Variants in LUZP2 observed in about 807,000 individuals in gnomAD.
The protein encoded by LUZP2 is leucine zipper protein 2.
LUZP2 carries 52 observed loss-of-function variants against 51.6 expected under a neutral mutation model. The ratio of observed to expected loss-of-function variants is 1.01; its 90% CI spans 0.81 to 1.27. The LOEUF (loss-of-function observed/expected upper bound fraction) is 1.27. Ranked by LOEUF, LUZP2 falls within the 50% of genes most tolerant of loss-of-function variation. The probability of loss-of-function intolerance (pLI) is 0.00; values close to 1 mark genes in which losing one functional copy is unlikely to be tolerated. For missense variants in LUZP2, 436 were observed against 395.4 expected, an observed-to-expected ratio of 1.10 and a Z score of -0.87; for synonymous variants, 154 against 137.3, an observed-to-expected ratio of 1.12 and a Z score of -0.85.
intron 7 of LUZP2, among the ~76,000 whole-genome samples, chr11:24,962,469 T>C (rs1210536159): frequency 6.6e-6 from 1 of 152,182 alleles, no homozygotes; most frequent in Admixed American, 6.5e-5. Context: ...CATTTCTTTT[T>C]ATTCTTTTTT....
chr11:25,048,590 G>A (rs2134019360), intron 9 of LUZP2, among the ~76,000 whole-genome samples: 1 of 152,196 alleles, frequency 6.6e-6, no homozygotes, highest in East Asian at 1.9e-4. Context: ...CAAATTTATT[G>A]AATAAATTTA....
At chr11:24,602,237 T>TCAAAC (rs1853735211) in intron 1 of LUZP2, among the ~76,000 whole-genome samples, 1 of 39,960 alleles carries the variant, frequency 2.5e-5, no homozygotes, top group African/African-American at 3.8e-5. Context: ...CATATATGTG[T>TCAAAC]ATATATGTAT....
chr11:24,823,540 T>C (rs1850425598), intron 5 of LUZP2, among the ~76,000 whole-genome samples: 1 of 152,118 alleles, frequency 6.6e-6, no homozygotes, highest in Non-Finnish European at 1.5e-5. Context: ...AATGATTCTA[T>C]TCATTTGTGA....
At chr11:24,837,424 G>T (rs1431232169) in intron 5 of LUZP2, among the ~76,000 whole-genome samples, 1 of 151,576 alleles carries the variant, frequency 6.6e-6, no homozygotes, top group African/African-American at 2.4e-5. Context: ...TCAAGAAGCT[G>T]CAGAATGCTG....
intron 9 of LUZP2, among the ~76,000 whole-genome samples, chr11:24,988,376 A>T (rs533318374): frequency 2.0e-5 from 3 of 152,110 alleles, no homozygotes; most frequent in African/African-American, 7.2e-5. Flanking sequence ...GAAACAAGAG[A>T]GTCTATGTCT....
At chr11:24,622,162 G>T (rs1854517970) in intron 1 of LUZP2, among the ~76,000 whole-genome samples, 1 of 151,144 alleles carries the variant, frequency 6.6e-6, no homozygotes, top group Non-Finnish European at 1.5e-5. Context: ...AAGTTTTAGG[G>T]TACATGTGCA....
At chr11:24,567,012 A>T (rs992058868) in intron 1 of LUZP2, among the ~76,000 whole-genome samples, 32 of 106,736 alleles carry the variant, frequency 3.0e-4, no homozygotes, top group Middle Eastern at 5.1e-3. Context: ...ATATATATAT[A>T]TATTTTTTTT....
chr11:25,058,132 A>G (rs952977152), intron 10 of LUZP2, among the ~76,000 whole-genome samples: 10 of 152,076 alleles, frequency 6.6e-5, no homozygotes, highest in African/African-American at 1.9e-4. Flanking sequence ...TGGCTTCATT[A>G]GAAGCATTTT....
intron 1 of LUZP2, among the ~76,000 whole-genome samples, chr11:24,561,553 C>CTT (rs766058319): frequency 2.2e-4 from 33 of 152,076 alleles, no homozygotes; most frequent in Non-Finnish European, 4.4e-4. Flanking sequence ...TCTCAGCAAA[C>CTT]TAACACCAGA....
intron 5 of LUZP2, among the ~76,000 whole-genome samples, chr11:24,867,136 T>C (rs191992664): frequency 1.3e-5 from 2 of 152,186 alleles, no homozygotes; most frequent in African/African-American, 4.8e-5. Flanking sequence ...AAGAGATAAA[T>C]TAATAAAAGG....
chr11:24,859,631 C>T (rs940422904), intron 5 of LUZP2, among the ~76,000 whole-genome samples: 3 of 152,138 alleles, frequency 2.0e-5, no homozygotes, highest in Non-Finnish European at 4.4e-5. Flanking sequence ...AATCCTTCAC[C>T]AGCAATCAAG....
intron 6 of LUZP2, among the ~76,000 whole-genome samples, chr11:24,908,565 T>C (rs1192988551): frequency 1.3e-5 from 2 of 152,190 alleles, no homozygotes; most frequent in Non-Finnish European, 2.9e-5. Flanking sequence ...GTTTGAAGGT[T>C]ATCCTTTTGA....
intron 7 of LUZP2, among the ~76,000 whole-genome samples, chr11:24,971,641 T>A (rs534370411): frequency 5.3e-5 from 8 of 151,808 alleles, no homozygotes; most frequent in East Asian, 1.9e-4. Flanking sequence ...ATAGAAGTTT[T>A]AAAAAAAAAT....
At chr11:24,556,270 C>T (rs959727112) in intron 1 of LUZP2, among the ~76,000 whole-genome samples, 1 of 152,098 alleles carries the variant, frequency 6.6e-6, no homozygotes, top group Non-Finnish European at 1.5e-5. Context: ...AAGAACTATG[C>T]CATTCACTTT....
chr11:24,999,103 T>A (rs1856597497), intron 9 of LUZP2, among the ~76,000 whole-genome samples: 2 of 152,160 alleles, frequency 1.3e-5, no homozygotes, highest in Non-Finnish European at 2.9e-5. Context: ...TTAATGATGT[T>A]CAAAATTTCA....
intron 1 of LUZP2, among the ~76,000 whole-genome samples, chr11:24,512,426 A>T (rs575707654): frequency 1.3e-5 from 2 of 152,332 alleles, no homozygotes; most frequent in Non-Finnish European, 2.9e-5. Context: ...GTGGGAAAAA[A>T]GCAAATATAA....
chr11:24,863,394 T>A (rs1851795877), intron 5 of LUZP2, among the ~76,000 whole-genome samples: 1 of 152,106 alleles, frequency 6.6e-6, no homozygotes, highest in Non-Finnish European at 1.5e-5. Context: ...AAAGTAGACA[T>A]GCTACAATAC....
At chr11:24,670,732 G>A (rs1030417306) in intron 1 of LUZP2, among the ~76,000 whole-genome samples, 2 of 151,704 alleles carry the variant, frequency 1.3e-5, no homozygotes, top group African/African-American at 2.4e-5. Context: ...CAAAATTTTA[G>A]ATTTTCTTTT....
chr11:24,786,179 A>G (rs1849239959), intron 5 of LUZP2: 1 of 975,768 alleles, frequency 1.0e-6, no homozygotes, highest in Non-Finnish European at 1.2e-6. Context: ...ACCTAAAACC[A>G]AGAAGCATAT....
Sources: allele counts gnomAD v4.1 joint callset (sites outside exome capture counted in the v4.1 genomes callset), GRCh38; gene constraint gnomAD v4.1.1; transcripts MANE v1.5; gene names NCBI Gene and HGNC (gene_info 2026-07-23, HGNC 2026-07-21).